SCRIB: variants seen among roughly 807,000 people sequenced by gnomAD.
The protein encoded by SCRIB is protein scribble homolog.
SCRIB carries 72 observed loss-of-function variants against 170.0 expected under a neutral mutation model. The observed-to-expected ratio is 0.42, with a 90% CI of 0.35 to 0.52. The LOEUF is 0.52. SCRIB is among the 20% of genes least tolerant of loss of function. The pLI, the probability that SCRIB is intolerant of heterozygous loss-of-function variation, is 0.02. For missense variants in SCRIB, 2,475 were observed against 2,338.5 expected (o/e 1.06, Z -1.20); for synonymous variants, 1,298 against 1,044.3 (o/e 1.24, Z -4.68).
Position 143,813,308 on chromosome 8 carries a change from C to A in SCRIB, c.567+3G>T, listed in dbSNP as rs189100637. 2.9e-4 allele frequency: 469 copies of A among 1,613,538 alleles called. 3 individuals are homozygous for A. In the East Asian group the frequency reaches 9.2e-3, roughly 32 times the overall value. On this transcript the variant is annotated splice_donor_region_variant and intron_variant, in intron 6 of 36. Coordinates refer to ENST00000356994, the MANE Select transcript of SCRIB (RefSeq NM_182706.5). ...GTCTCTGCCCTGTCAGGCCTCCACG[C>A]ACCAGCACTTCCAGATCGTTGCCTC...
chr8:143,797,081 TGA>T (rs1814976409), intron 24 of SCRIB, among the ~76,000 whole-genome samples: 1 of 152,034 alleles, frequency 6.6e-6, no homozygotes, highest in Non-Finnish European at 1.5e-5. Flanking sequence ...CCAGCGCTCC[TGA>T]GAGAAAGGGG....
At chr8:143,809,786 C>A in intron 13 of SCRIB, 68 bp from the exon 14 acceptor site, 1 of 1,550,498 alleles carries the variant, frequency 6.4e-7, no homozygotes, top group South Asian at 1.1e-5. Context: ...CTGGGATGCC[C>A]CCCACGTGGC....
chr8:143,796,924 C>T (rs1400056543), intron 24 of SCRIB, among the ~76,000 whole-genome samples: 5 of 152,284 alleles, frequency 3.3e-5, no homozygotes, highest in South Asian at 2.1e-4. Context: ...TAGGAGCTCA[C>T]CCTCTTCTAC....
Position 143,791,074 on chromosome 8 carries a change from G to A in SCRIB, c.*89C>T, listed in dbSNP as rs1407389299. ...AACTCCTGTGGGGTCTCTTTAAAAT[G>A]CTAACACCCAGGTTAAAAGACTTGG... On this transcript the variant is annotated 3_prime_UTR_variant, in exon 37 of 37. Coordinates refer to ENST00000356994, the MANE Select transcript of SCRIB (RefSeq NM_182706.5). The A allele has an allele frequency of 6.9e-6, 9 of 1,310,440 alleles. No homozygotes were observed. Among genetic ancestry groups the A allele is most frequent in the Non-Finnish European group, 8.8e-6 (9 of 1,023,866 alleles). The allele number at this position is 1,310,440 out of a possible 1,614,324, so 81.2% of individuals were successfully genotyped here.
At chr8:143,813,614 G>A (rs778341736) in intron 4 of SCRIB, 23 bp downstream of exon 4, 4 of 1,612,562 alleles carry the variant, frequency 2.5e-6, no homozygotes, top group South Asian at 1.1e-5. Flanking sequence ...CCCCACCCTA[G>A]TTCCACCTGA....
rs76198953 is a variant in SCRIB at position 143,792,958 on chromosome 8, C to T, written c.4017+18G>A. Reference sequence around the variant, plus strand: ...ACCCCAACCACGCGCAGCAGGGAGGCGTGCTGCCCCCACACACCTGGGCAG... The same window carrying T: ...ACCCCAACCACGCGCAGCAGGGAGGTGTGCTGCCCCCACACACCTGGGCAG... On this transcript the variant is annotated intron_variant, in intron 29 of 36. Transcript: ENST00000356994. 2.3e-5 allele frequency: 35 copies of T among 1,497,258 alleles called. No individual in the cohort carries two copies. Among genetic ancestry groups the T allele is most frequent in the South Asian group, 1.9e-4 (14 of 75,058 alleles). 92.7% of individuals were successfully genotyped at this position (1,497,258 alleles called of 1,614,324 possible).
Position 143,810,549 on chromosome 8 carries a change from C to T in SCRIB, c.1460G>A (p.Ser487Asn). 6.2e-7 allele frequency: 1 copy of T among 1,613,592 alleles called. No individual in the cohort carries two copies. The highest frequency in any genetic ancestry group is 8.5e-7 in the Non-Finnish European group (1 of 1,179,978). ...GGCCTCGCTCCGCCGCCCCTCGATG[C>T]TCCTCTTCATCACCTTGAGCTCGCT... Reference protein sequence around the residue: ...HPSELKVMKRSIEGRRSEACP... With the variant: ...HPSELKVMKRNIEGRRSEACP... Residue 487 changes from serine to asparagine, a missense_variant, in exon 13 of 37, where the codon AGC becomes AAC. Ser to Asn is a conservative substitution (Grantham distance 46). Coordinates refer to ENST00000356994, the MANE Select transcript of SCRIB (RefSeq NM_182706.5).
chr8:143,813,628 G>T lies in SCRIB; in HGVS notation c.446+9C>A. On this transcript the variant is annotated intron_variant, in intron 4 of 36. Transcript: ENST00000356994. Reference sequence around the variant, plus strand: ...ACCCCACCCTAGTTCCACCTGAGAAGGCACTCACTTGCCCACGTCCCCGGG... The same window carrying T: ...ACCCCACCCTAGTTCCACCTGAGAATGCACTCACTTGCCCACGTCCCCGGG... 6.2e-7 allele frequency: 1 copy of T among 1,613,042 alleles called. No individual in the cohort carries two copies. Among genetic ancestry groups the T allele is most frequent in the Non-Finnish European group, 8.5e-7 (1 of 1,179,778 alleles).
chr8:143,796,364 C>T (rs1814945561), intron 24 of SCRIB, among the ~76,000 whole-genome samples: 3 of 152,170 alleles, frequency 2.0e-5, no homozygotes, highest in South Asian at 2.1e-4. Context: ...CCTGCAAAAT[C>T]GAGGAGCTCT....
chr8:143,791,518 C>T, intron 35 of SCRIB, 78 bp from the exon 36 acceptor site: 2 of 1,593,666 alleles, frequency 1.3e-6, no homozygotes, highest in Middle Eastern at 1.7e-4. Flanking sequence ...GGCTCCCAGC[C>T]CTGAGGCCCA....
At chr8:143,803,306 C>T in intron 24 of SCRIB, 77 bp downstream of exon 24, 1 of 1,381,680 alleles carries the variant, frequency 7.2e-7, no homozygotes, top group Non-Finnish European at 9.6e-7. Flanking sequence ...CGTCGCCTGC[C>T]CCGAGAGGTG....
In SCRIB at chr8:143,804,781, G is replaced by A. The variant is rs1554635960; in HGVS notation, c.2796C>T (p.Val932=). ...TGGGGGAGGCAGCGGTCAGCAGGGA[G>A]ACGGCGTGGTCATGCCTGGCCTCAG... ...DVTEARHDHA[V]SLLTAASPTI... Residue 932 remains valine, a synonymous_variant, in exon 21 of 37, where the codon GTC becomes GTT. Coordinates refer to ENST00000356994, the MANE Select transcript of SCRIB (RefSeq NM_182706.5). The A allele has an allele frequency of 6.2e-7, 1 of 1,601,676 alleles. No individual in the cohort carries two copies. The highest frequency in any genetic ancestry group is 8.5e-7 in the Non-Finnish European group (1 of 1,177,044).
Position 143,815,506 on chromosome 8 carries a change from G to C in SCRIB, c.-134C>G. 1 of 987,952 alleles carries C rather than the reference G, an allele frequency of 1.0e-6. No individual in the cohort carries two copies. Among genetic ancestry groups the C allele is most frequent in the Non-Finnish European group, 1.2e-6 (1 of 832,586 alleles). 61.2% of individuals were successfully genotyped at this position (987,952 alleles called of 1,614,324 possible). ...GGGGCGGGCCGCCCGAGACTGGACG[G>C]GGACGCGGCCGCGGCCGGCGCTGGG... On this transcript the variant is annotated 5_prime_UTR_variant, in exon 1 of 37. Coordinates refer to ENST00000356994, the MANE Select transcript of SCRIB (RefSeq NM_182706.5).
chr8:143,806,818 C>G, intron 17 of SCRIB, 106 bp downstream of exon 17: 5 of 859,354 alleles, frequency 5.8e-6, no homozygotes, highest in Non-Finnish European at 9.0e-6. Context: ...GCCCGTGTCC[C>G]CAGAGCGTGT....
Position 143,811,336 on chromosome 8 carries a change from G to A in SCRIB, c.916C>T (p.Arg306Cys), listed in dbSNP as rs752428153. ...AGCTTAGTCAGCTTTCCCAGGGAGC[G>A]GGGCAGGGCCTGGCCAAGAAGAGGA... ...LTENLLMALP[R>C]SLGKLTKLTN... The change falls in exon 10 of 37, where the codon CGC becomes TGC. Residue 306 changes from arginine to cysteine, a missense_variant. Around this residue, in one of 3 missense-constraint regions of SCRIB, gnomAD observed 487 missense variants for 558.1 expected, o/e 0.87. Coordinates refer to ENST00000356994, the MANE Select transcript of SCRIB (RefSeq NM_182706.5). 5.0e-6 allele frequency: 8 copies of A among 1,612,368 alleles called. No individual in the cohort carries two copies. The highest frequency in any genetic ancestry group is 1.7e-4 in the Middle Eastern group (1 of 6,056).
chr8:143,812,841 G>C lies in SCRIB; in HGVS notation c.763C>G (p.Leu255Val). ...CCGATGCCGTCGGGCAGCCTCCGCA[G>C]CAGGTTCTGGGACAGCAGCAGGTCA... Reference protein sequence around the residue: ...LTDLLLSQNLLRRLPDGIGQL... With the variant: ...LTDLLLSQNLVRRLPDGIGQL... The change falls in exon 8 of 37, where the codon CTG (leucine) becomes GTG (valine). Residue 255 changes from leucine to valine, a missense_variant. By Grantham distance (32) the Leu-to-Val change is conservative (BLOSUM62 1). This residue lies in a region of SCRIB where 487 missense variants were observed against 558.1 expected (regional missense o/e 0.87). Transcript: ENST00000356994. 1 of 1,603,626 alleles carries C rather than the reference G, an allele frequency of 6.2e-7. No homozygotes were observed. The highest frequency in any genetic ancestry group is 8.5e-7 in the Non-Finnish European group (1 of 1,179,540).
chr8:143,793,978 G>A lies in SCRIB; in HGVS notation c.3847-16C>T, dbSNP rs1554633582. On this transcript the variant is annotated splice_polypyrimidine_tract_variant and intron_variant, in intron 27 of 36. Coordinates refer to ENST00000356994, the MANE Select transcript of SCRIB (RefSeq NM_182706.5). Reference sequence around the variant, plus strand: ...CAGACGGTACCTGGAGGAGTAGGCAGTGGGTGGGGTGAGGATGGGCAGGGC... The same window carrying A: ...CAGACGGTACCTGGAGGAGTAGGCAATGGGTGGGGTGAGGATGGGCAGGGC... The A allele has an allele frequency of 1.9e-6, 3 of 1,611,654 alleles. No individual in the cohort carries two copies. Among genetic ancestry groups the A allele is most frequent in the Non-Finnish European group, 1.7e-6 (2 of 1,178,596 alleles).
Position 143,812,027 on chromosome 8 carries a change from G to A in SCRIB, c.906+239C>T, listed in dbSNP as rs954626957. 5.3e-5 allele frequency among the ~76,000 whole-genome samples: 8 copies of A among 152,276 alleles called. No homozygotes were observed. In the South Asian group the frequency reaches 6.2e-4, roughly 12 times the overall value. The stretch of plus-strand genomic sequence containing the variant: ...CCGCTCCCCAGTGTTACAACATACA[G>A]CGATAAACACGAGACCTAGATTCTT... On this transcript the variant is annotated intron_variant, in intron 9 of 36. Coordinates refer to ENST00000356994, the MANE Select transcript of SCRIB (RefSeq NM_182706.5).
At position 143,813,683 on chromosome 8, in the gene SCRIB, C is replaced by A. The variant is rs1346475249; in HGVS notation, c.400G>T (p.Ala134Ser). 6.2e-7 allele frequency: 1 copy of A among 1,613,442 alleles called. No individual in the cohort carries two copies. ...FTQLRSLAHL[A>S]LNDVSLQALP... is the part of the protein sequence containing the mutation. ...GCCTGCAGAGACACATCATTCAGGG[C>A]CAGGTGAGCCAGGCTGCGCAGCTGA... Residue 134 changes from alanine to serine, a missense_variant, in exon 4 of 37, where the codon GCC becomes TCC. Physicochemically the swap from Ala to Ser is moderately conservative, Grantham distance 99 (BLOSUM62 1). Around this residue, in one of 3 missense-constraint regions of SCRIB, gnomAD observed 487 missense variants for 558.1 expected, o/e 0.87. Coordinates refer to ENST00000356994, the MANE Select transcript of SCRIB (RefSeq NM_182706.5).
Sources: allele counts gnomAD v4.1 joint callset (sites outside exome capture counted in the v4.1 genomes callset), GRCh38; gene constraint gnomAD v4.1.1; regional missense constraint gnomAD v4.1.1; transcripts MANE v1.5; gene names NCBI Gene and HGNC (gene_info 2026-07-23, HGNC 2026-07-21).